CERS3: variants seen among roughly 807,000 people sequenced by gnomAD.
CERS3 encodes LAG1 homolog, ceramide synthase 3.
In CERS3, 33 loss-of-function variants were observed where a neutral mutation model predicts 50.3. The observed-to-expected ratio is 0.66, with a 90% CI of 0.50 to 0.88. The LOEUF (loss-of-function observed/expected upper bound fraction) is 0.88. Among genes scored for constraint, CERS3 ranks in the 40% least tolerant of loss-of-function variants. The pLI is 0.00. For missense variants in CERS3, 470 were observed against 460.3 expected (o/e 1.02, Z -0.19); for synonymous variants, 176 against 155.2 (o/e 1.13, Z -0.99).
intron 3 of CERS3, among the ~76,000 whole-genome samples, chr15:100,493,272 G>C (rs1168002879): frequency 1.1e-4 from 17 of 152,060 alleles, no homozygotes; most frequent in Admixed American, 1.1e-3. Context: ...CTTGGTTTTT[G>C]TTTATTTGAG....
intron 11 of CERS3, among the ~76,000 whole-genome samples, chr15:100,454,887 C>A (rs2654587): frequency 0.99 from 150,290 of 152,208 alleles, 74,221 homozygotes; most frequent in Middle Eastern, 1. Context: ...ACAACAACAA[C>A]AAATAATAAT....
chr15:100,412,667 C>T (rs2031581585), intron 11 of CERS3, among the ~76,000 whole-genome samples: 1 of 152,064 alleles, frequency 6.6e-6, no homozygotes, highest in South Asian at 2.1e-4. Context: ...ATACAGAATA[C>T]CTCTTCTTGA....
intron 11 of CERS3, among the ~76,000 whole-genome samples, chr15:100,432,581 G>C (rs72757284): frequency 0.13 from 19,163 of 152,114 alleles, 1,390 homozygotes; most frequent in Admixed American, 0.22. Flanking sequence ...AAACAGACCT[G>C]CTTGATTTTG....
chr15:100,503,626 C>A (rs2036076928), intron 2 of CERS3: 2 of 462,764 alleles, frequency 4.3e-6, no homozygotes, highest in Admixed American at 2.4e-5. Context: ...TAGGCAGACA[C>A]AGCTCTACCA....
At chr15:100,437,559 G>A (rs1056162462) in intron 11 of CERS3, among the ~76,000 whole-genome samples, 1 of 152,220 alleles carries the variant, frequency 6.6e-6, no homozygotes, top group African/African-American at 2.4e-5. Context: ...GTCTGCCTGA[G>A]CAAAATGAAG....
intron 11 of CERS3, among the ~76,000 whole-genome samples, chr15:100,452,376 A>G (rs904899533): frequency 6.6e-6 from 1 of 152,210 alleles, no homozygotes; most frequent in Non-Finnish European, 1.5e-5. Context: ...CTGTATGAAT[A>G]CATGGAAAAA....
At chr15:100,509,644 T>C (rs981021562) in intron 2 of CERS3, among the ~76,000 whole-genome samples, 2 of 152,158 alleles carry the variant, frequency 1.3e-5, no homozygotes, top group African/African-American at 2.4e-5. Context: ...AGGATATGAG[T>C]TGGCAAGAGC....
At chr15:100,437,594 G>A (rs183799144) in intron 11 of CERS3, among the ~76,000 whole-genome samples, 85 of 152,292 alleles carry the variant, frequency 5.6e-4, no homozygotes, top group Non-Finnish European at 8.5e-4. Flanking sequence ...CCAACTGCCC[G>A]ACAACGACTC....
intron 4 of CERS3, among the ~76,000 whole-genome samples, chr15:100,487,681 C>G (rs2035528904): frequency 6.6e-6 from 1 of 152,232 alleles, no homozygotes; most frequent in African/African-American, 2.4e-5. Context: ...GGCCTCTGGA[C>G]TGAAAAGGGA....
At chr15:100,435,795 C>T (rs1359950918) in intron 11 of CERS3, among the ~76,000 whole-genome samples, 1 of 152,138 alleles carries the variant, frequency 6.6e-6, no homozygotes, top group East Asian at 1.9e-4. Context: ...CAAACAACCC[C>T]ATCAAAAAGT....
At chr15:100,464,808 T>C (rs992604833) in intron 10 of CERS3, among the ~76,000 whole-genome samples, 2 of 152,204 alleles carry the variant, frequency 1.3e-5, no homozygotes, top group African/African-American at 4.8e-5. Flanking sequence ...GGCAATTAAA[T>C]TAAAACAATT....
intron 11 of CERS3, among the ~76,000 whole-genome samples, chr15:100,426,372 C>T (rs1006888876): frequency 6.6e-6 from 1 of 152,142 alleles, no homozygotes; most frequent in African/African-American, 2.4e-5. Flanking sequence ...TATATCAGCT[C>T]ATATCACTTA....
chr15:100,444,987 G>T (rs1323914760), intron 11 of CERS3, among the ~76,000 whole-genome samples: 1 of 151,856 alleles, frequency 6.6e-6, no homozygotes, highest in Non-Finnish European at 1.5e-5. Flanking sequence ...ATCCCTTACA[G>T]TCCTCAGTCT....
Position 100,490,828 on chromosome 15 carries a change from G to T in CERS3, c.277C>A (p.Gln93Lys), listed in dbSNP as rs1056986147. Residue 93 changes from glutamine to lysine, a missense_variant, in exon 4 of 12, where the codon CAA becomes AAA. By Grantham distance (53) the Gln-to-Lys change is moderately conservative (BLOSUM62 1). Coordinates refer to ENST00000679737, the MANE Select transcript of CERS3 (RefSeq NM_001378789.1). ...LENFFKHSTR[Q>K]PLQTDIYGLA... ...GAATTTGTACTTACTTGCAATGGTT[G>T]CCTTGTGGAATGTTTGAAAAAATTC... 1.9e-6 allele frequency: 3 copies of T among 1,599,910 alleles called. No individual in the cohort carries two copies. Among genetic ancestry groups the T allele is most frequent in the Admixed American group, 3.3e-5 (2 of 59,796 alleles).
intron 3 of CERS3, 42 bp from the exon 4 acceptor site, chr15:100,490,973 T>A: frequency 8.7e-7 from 1 of 1,150,992 alleles, no homozygotes; most frequent in Non-Finnish European, 1.3e-6. Context: ...AATCTAAGAA[T>A]AAATCCACGA....
chr15:100,526,256 G>T (rs1567683930), intron 1 of CERS3, among the ~76,000 whole-genome samples: 2 of 152,126 alleles, frequency 1.3e-5, no homozygotes, highest in Non-Finnish European at 1.5e-5. Context: ...TCTTTGCATC[G>T]CATCCCATAA....
intron 3 of CERS3, among the ~76,000 whole-genome samples, chr15:100,498,902 A>C (rs149217426): frequency 6.6e-6 from 1 of 152,134 alleles, no homozygotes; most frequent in Non-Finnish European, 1.5e-5. Flanking sequence ...TTTTGTTTTT[A>C]TGTGTGAACA....
chr15:100,420,867 T>C (rs538245457), intron 11 of CERS3, among the ~76,000 whole-genome samples: 37 of 151,646 alleles, frequency 2.4e-4, no homozygotes, highest in African/African-American at 8.0e-4. Flanking sequence ...AAAAAGCCTT[T>C]GACAAAATTC....
intron 11 of CERS3, among the ~76,000 whole-genome samples, chr15:100,421,648 A>G (rs1187978557): frequency 3.3e-5 from 5 of 150,078 alleles, no homozygotes; most frequent in African/African-American, 1.2e-4. Context: ...CCAAAAGAAC[A>G]AAGCTGGAGG....
Sources: allele counts gnomAD v4.1 joint callset (sites outside exome capture counted in the v4.1 genomes callset), GRCh38; gene constraint gnomAD v4.1.1; transcripts MANE v1.5; gene names NCBI Gene and HGNC (gene_info 2026-07-23, HGNC 2026-07-21).